The following SLC2A9 variants were observed in gnomAD, a reference collection of about 807,000 sequenced individuals.
SLC2A9 encodes solute carrier family 2 member 9.
In SLC2A9, 39 loss-of-function variants were observed where a neutral mutation model predicts 50.6. The observed-to-expected ratio is 0.77, with a 90% CI of 0.60 to 1.01. The LOEUF is 1.01. Ranked by LOEUF, SLC2A9 falls within the 50% of genes least tolerant of loss-of-function variation. SLC2A9 has a pLI of 0.00. For synonymous variants in SLC2A9, 324 were observed against 276.9 expected, an observed-to-expected ratio of 1.17 and a Z score of -1.69; for missense variants, 686 against 677.6, an observed-to-expected ratio of 1.01 and a Z score of -0.14.
intron 1 of SLC2A9, among the ~76,000 whole-genome samples, chr4:10,030,551 G>A (rs912021831): frequency 1.3e-5 from 2 of 152,094 alleles, no homozygotes; most frequent in East Asian, 1.9e-4. Flanking sequence ...CTCAGGGTGG[G>A]GGTGATAGGC....
At chr4:9,819,389 T>C (rs1418459874) in intron 3 of SLC2A9, among the ~76,000 whole-genome samples, 1 of 152,202 alleles carries the variant, frequency 6.6e-6, no homozygotes, top group Admixed American at 6.5e-5. Flanking sequence ...AGGTTTGGGA[T>C]ATCTCATTGT....
intron 8 of SLC2A9, among the ~76,000 whole-genome samples, chr4:9,905,712 C>G (rs10939608): frequency 0.88 from 134,070 of 152,210 alleles, 60,116 homozygotes; most frequent in Non-Finnish European, 0.96. Context: ...AGTCTTCTTG[C>G]ACCAAGGGAA....
intron 10 of SLC2A9, among the ~76,000 whole-genome samples, chr4:9,836,345 T>C (rs1297027586): frequency 6.6e-6 from 1 of 151,926 alleles, no homozygotes; most frequent in Non-Finnish European, 1.5e-5. Context: ...AATGAATAAA[T>C]ACATATAAAT....
intron 3 of SLC2A9, among the ~76,000 whole-genome samples, chr4:9,787,795 A>T (rs1023553170): frequency 6.6e-6 from 1 of 152,120 alleles, no homozygotes; most frequent in East Asian, 1.9e-4. Context: ...TCTGTCATGT[A>T]TGTTGGGCAG....
At chr4:9,849,389 A>G (rs1328326305) in intron 10 of SLC2A9, among the ~76,000 whole-genome samples, 6 of 152,234 alleles carry the variant, frequency 3.9e-5, no homozygotes, top group African/African-American at 1.4e-4. Context: ...GTTAACAACC[A>G]TACATGGTGA....
chr4:9,898,969 T>C (rs1174252220), intron 8 of SLC2A9, among the ~76,000 whole-genome samples: 1 of 151,630 alleles, frequency 6.6e-6, no homozygotes, highest in Non-Finnish European at 1.5e-5. Flanking sequence ...ACATGATGCA[T>C]GACACACACT....
Position 9,887,551 on chromosome 4 carries a change from G to T in SLC2A9, c.1291+16C>A, listed in dbSNP as rs1393248566. On this transcript the variant is annotated intron_variant, in intron 10 of 11. Transcript: ENST00000264784. The stretch of plus-strand genomic sequence containing the variant: ...GAGTCCCTGGGCGGGGCAGTGGGGA[G>T]GGTGGGGTGCCTTACCTGGCCCACT... 3.9e-6 allele frequency: 6 copies of T among 1,552,854 alleles called. No individual in the cohort carries two copies. The highest frequency in any genetic ancestry group is 4.9e-5 in the East Asian group (2 of 40,880).
intron 3 of SLC2A9, among the ~76,000 whole-genome samples, 154 bp from the exon 4 acceptor site, chr4:9,985,947 G>C (rs372106617): frequency 6.7e-4 from 102 of 152,362 alleles, no homozygotes; most frequent in African/African-American, 2.4e-3. Context: ...ACCTCTGGCT[G>C]TGTGACTGGG....
At chr4:9,783,316 G>A in intron 3 of SLC2A9, 1 of 1,614,268 alleles carries the variant, frequency 6.2e-7, no homozygotes, top group South Asian at 1.1e-5. Context: ...ACAACGACGA[G>A]GAGGAGGGTC....
chr4:9,782,653 G>A (rs1306710674), intron 3 of SLC2A9: 1 of 1,613,998 alleles, frequency 6.2e-7, no homozygotes, highest in East Asian at 2.2e-5. Flanking sequence ...AGGACTTTTG[G>A]GAGCCCGACG....
intron 2 of SLC2A9, among the ~76,000 whole-genome samples, chr4:10,016,078 C>T (rs1480660815): frequency 6.6e-6 from 1 of 152,176 alleles, no homozygotes; most frequent in African/African-American, 2.4e-5. Context: ...GCATGACGAG[C>T]CGTGGTCTCG....
intron 5 of SLC2A9, among the ~76,000 whole-genome samples, chr4:9,974,177 T>A (rs1003564471): frequency 1.3e-5 from 2 of 152,150 alleles, no homozygotes; most frequent in African/African-American, 4.8e-5. Flanking sequence ...ACAGCCAACA[T>A]CATACTGAAC....
intron 6 of SLC2A9, among the ~76,000 whole-genome samples, chr4:9,940,870 G>T (rs746681142): frequency 2.0e-5 from 3 of 152,164 alleles, no homozygotes; most frequent in Non-Finnish European, 2.9e-5. Context: ...TCTTTTCCTG[G>T]ATTTGGACAT....
intron 8 of SLC2A9, among the ~76,000 whole-genome samples, chr4:9,899,976 T>C (rs946216831): frequency 1.3e-5 from 2 of 152,190 alleles, no homozygotes; most frequent in Non-Finnish European, 2.9e-5. Context: ...CTCATGCTCT[T>C]ACTCTTCTCA....
chr4:9,775,144 C>T (rs2108823869), downstream of SLC2A9, among the ~76,000 whole-genome samples: 1 of 152,328 alleles, frequency 6.6e-6, no homozygotes, highest in Admixed American at 6.5e-5. Flanking sequence ...CCAGCTGGCT[C>T]ACATGGCCAG....
At chr4:9,772,149 G>C (rs892293874) in intron 1 of SLC2A9, among the ~76,000 whole-genome samples, 5 of 152,186 alleles carry the variant, frequency 3.3e-5, no homozygotes, top group African/African-American at 4.8e-5. Context: ...GGATGGAGGA[G>C]ATAGGAGTGG....
intron 10 of SLC2A9, among the ~76,000 whole-genome samples, chr4:9,872,603 G>A (rs1348813739): frequency 6.6e-6 from 1 of 152,170 alleles, no homozygotes; most frequent in Non-Finnish European, 1.5e-5. Context: ...AATGGATTTG[G>A]AAAGGGAAAG....
chr4:9,780,726 G>A (rs191142310), intron 3 of SLC2A9, among the ~76,000 whole-genome samples: 1 of 152,338 alleles, frequency 6.6e-6, no homozygotes, highest in East Asian at 1.9e-4. Flanking sequence ...AATGCAACTT[G>A]TCAGCTGGGA....
chr4:9,863,195 G>A (rs1731933317), intron 10 of SLC2A9, among the ~76,000 whole-genome samples: 2 of 151,952 alleles, frequency 1.3e-5, no homozygotes, highest in Non-Finnish European at 1.5e-5. Flanking sequence ...CACCCGGGCT[G>A]GAGTGCAGTG....
Sources: gnomAD v4.1 joint callset for allele counts (sites outside exome capture counted in the v4.1 genomes callset) on GRCh38, gnomAD v4.1.1 for gene constraint, MANE v1.5 for transcripts, NCBI Gene and HGNC (gene_info 2026-07-23, HGNC 2026-07-21) for gene names.